The following ZNF695 variants were observed in gnomAD, a reference collection of about 807,000 sequenced individuals.
ZNF695 encodes the protein zinc finger protein SBZF3.
Under a neutral mutation model 11.2 loss-of-function variants are expected in ZNF695, and 11 were observed. That is an observed-to-expected ratio of 0.98 (90% CI 0.62 to 1.62). The LOEUF (loss-of-function observed/expected upper bound fraction) is 1.62. Ranked by LOEUF, ZNF695 falls within the 40% of genes most tolerant of loss-of-function variation. The probability of loss-of-function intolerance (pLI) is 0.00; values close to 1 mark genes in which losing one functional copy is unlikely to be tolerated. For missense variants in ZNF695, 559 were observed against 590.5 expected (o/e 0.95, Z 0.55); for synonymous variants, 190 against 201.4 (o/e 0.94, Z 0.48).
intron 5 of ZNF695, among the ~76,000 whole-genome samples, chr1:246,951,279 T>C (rs187351871): frequency 1.3e-5 from 2 of 152,260 alleles, no homozygotes; most frequent in Admixed American, 6.5e-5. Flanking sequence ...TTTTCGGAAA[T>C]AGAGGCACTG....
intron 1 of ZNF695, among the ~76,000 whole-genome samples, chr1:247,003,275 G>A (rs755789160): frequency 6.6e-6 from 1 of 152,202 alleles, no homozygotes; most frequent in African/African-American, 2.4e-5. Context: ...GGAATGCTAT[G>A]CAGCTATAAC....
At chr1:246,946,376 C>T (rs72766578) in intron 5 of ZNF695, among the ~76,000 whole-genome samples, 1 of 152,338 alleles carries the variant, frequency 6.6e-6, no homozygotes, top group Non-Finnish European at 1.5e-5. Flanking sequence ...CACGTGGTCC[C>T]TATTATGTTC....
rs141831868 is a variant in ZNF695, at chr1:247,001,249, A to C, written c.4-1175T>G. Among the ~76,000 whole-genome samples the C allele has an allele frequency of 5.3e-5, 8 of 152,260 alleles. No individual in the cohort carries two copies. The East Asian group carries it at 1.5e-3, about 29-fold the overall frequency. On this transcript the variant is annotated intron_variant, in intron 1 of 3. Transcript: ENST00000339986. ...AACGAACTATTCTTATTTCAGACAA[A>C]ACAAACTTTAAACCAACAATAATGA...
chr1:246,956,203 T>A (rs1667996385), intron 5 of ZNF695, among the ~76,000 whole-genome samples: 1 of 150,042 alleles, frequency 6.7e-6, no homozygotes, highest in Admixed American at 6.6e-5. Flanking sequence ...TTGGCCAGGC[T>A]GGTCTTGAAC....
At chr1:246,959,311 ATATATATATATATATAT>A (rs1378615823) in intron 5 of ZNF695, among the ~76,000 whole-genome samples, 220 of 20,946 alleles carry the variant, frequency 0.011, 10 homozygotes, top group African/African-American at 0.021. Context: ...AAAAAAAAAA[ATATATATATATATATAT>A]ATATATATAT....
chr1:247,000,235 G>A (rs547168726), intron 1 of ZNF695, among the ~76,000 whole-genome samples, 161 bp from the exon 2 acceptor site: 89 of 152,320 alleles, frequency 5.8e-4, no homozygotes, highest in African/African-American at 1.5e-3. Flanking sequence ...GGCCGGGCGC[G>A]GCGGCTCACA....
At chr1:246,994,356 C>T (rs1182677253) in intron 3 of ZNF695, among the ~76,000 whole-genome samples, 3 of 151,646 alleles carry the variant, frequency 2.0e-5, no homozygotes, top group African/African-American at 4.8e-5. Flanking sequence ...GCCTGGCCAA[C>T]GTGGCAAAAC....
intron 3 of ZNF695, among the ~76,000 whole-genome samples, chr1:246,990,061 G>T (rs377669304): frequency 4.7e-5 from 7 of 149,740 alleles, no homozygotes; most frequent in African/African-American, 1.7e-4. Flanking sequence ...AGAGATGAAC[G>T]AGGGGAAAGG....
intron 5 of ZNF695, among the ~76,000 whole-genome samples, chr1:246,962,862 T>A (rs563212844): frequency 6.6e-6 from 1 of 152,138 alleles, no homozygotes; most frequent in East Asian, 1.9e-4. Context: ...CCGGCTAATT[T>A]TTTTTTGTAT....
chr1:246,995,936 T>C (rs1282876190), intron 3 of ZNF695: 2 of 404,866 alleles, frequency 4.9e-6, no homozygotes, highest in Non-Finnish European at 9.8e-6. Flanking sequence ...TCCACATATA[T>C]GGTCACATGA....
intron 1 of ZNF695, among the ~76,000 whole-genome samples, chr1:247,001,712 CAAAAAAA>C (rs56131097): frequency 1.3e-5 from 1 of 79,284 alleles, no homozygotes. Context: ...GACTTCGTCT[CAAAAAAA>C]AAAAAAAAAA....
At chr1:246,993,536 C>T (rs1669105393) in intron 3 of ZNF695, among the ~76,000 whole-genome samples, 1 of 152,128 alleles carries the variant, frequency 6.6e-6, no homozygotes, top group African/African-American at 2.4e-5. Flanking sequence ...CAGAACAATG[C>T]CACTTTATAA....
intron 5 of ZNF695, among the ~76,000 whole-genome samples, chr1:246,960,060 G>A (rs985488665): frequency 2.0e-5 from 3 of 152,078 alleles, no homozygotes; most frequent in Non-Finnish European, 4.4e-5. Flanking sequence ...TGTATTATTT[G>A]AAACAAACCA....
At chr1:246,974,129 A>G (rs1196315901) in intron 4 of ZNF695, among the ~76,000 whole-genome samples, 1 of 147,768 alleles carries the variant, frequency 6.8e-6, no homozygotes, top group Non-Finnish European at 1.5e-5. Flanking sequence ...TTAATTGCCT[A>G]GCTTATTTGG....
intron 3 of ZNF695, among the ~76,000 whole-genome samples, chr1:246,996,442 T>C (rs535689264): frequency 3.9e-5 from 6 of 152,072 alleles, no homozygotes; most frequent in Admixed American, 3.9e-4. Context: ...CCACAAATAA[T>C]GGAATATTAC....
intron 3 of ZNF695, among the ~76,000 whole-genome samples, chr1:246,997,340 T>C (rs535717065): frequency 4.6e-5 from 7 of 152,136 alleles, no homozygotes; most frequent in East Asian, 1.9e-4. Flanking sequence ...CCATCTCTAC[T>C]AAAAATACAA....
At chr1:246,979,733 TTAGAG>T (rs1261694291) in intron 4 of ZNF695, 3 of 42,552 alleles carry the variant, frequency 7.1e-5, no homozygotes, top group Non-Finnish European at 3.2e-4. Context: ...AATTGTTAGT[TTAGAG>T]TATTCTTTAA....
chr1:246,968,831 CT>C, intron 4 of ZNF695: 1 of 152,714 alleles, frequency 6.5e-6, no homozygotes, highest in African/African-American at 2.4e-5. Context: ...ATCTGGAGTC[CT>C]TTTAGCCATG....
Position 247,000,015 on chromosome 1 carries a change from C to T in ZNF695, c.63G>A (p.Leu21=). 6.2e-7 allele frequency: 1 copy of T among 1,614,054 alleles called. No individual in the cohort carries two copies. The highest frequency in any genetic ancestry group is 8.5e-7 in the Non-Finnish European group (1 of 1,180,004). Residue 21 remains leucine (L), a synonymous_variant, in exon 2 of 4, where the codon CTG becomes CTA. Transcript: ENST00000339986. ...TATACAAACTCCGCTGAGCTGGGTC[C>T]AGGCATTCCCACTCCTCTGGAGAGA... The part of the protein sequence containing the change: ...LEFSPEEWEC[L]DPAQRSLYRD...
Sources: gnomAD v4.1 joint callset for allele counts (sites outside exome capture counted in the v4.1 genomes callset) on GRCh38, gnomAD v4.1.1 for gene constraint, MANE v1.5 for transcripts, NCBI Gene and HGNC (gene_info 2026-07-23, HGNC 2026-07-21) for gene names.